The following RFX3 variants were observed in gnomAD, a reference collection of about 807,000 sequenced individuals.
RFX3 encodes regulatory factor X3.
Under a neutral mutation model 98.6 loss-of-function variants are expected in RFX3, and 14 were observed. The ratio of observed to expected loss-of-function variants is 0.14; its 90% confidence interval spans 0.09 to 0.22. The LOEUF (loss-of-function observed/expected upper bound fraction) is 0.22. Among genes scored for constraint, RFX3 ranks in the 10% least tolerant of loss-of-function variants. The pLI, the probability that RFX3 is intolerant of heterozygous loss-of-function variation, is 1.00. For missense variants in RFX3, 639 were observed against 926.9 expected (o/e 0.69, Z 4.03); for synonymous variants, 383 against 328.4 (o/e 1.17, Z -1.80).
At position 3,226,902 on chromosome 9, in the gene RFX3, T is replaced by C. The variant is rs1817842170; in HGVS notation, c.2012-1622A>G. Among the ~76,000 whole-genome samples, 3 of 152,198 alleles carry C rather than the reference T, an allele frequency of 2.0e-5. No individual in the cohort carries two copies. In the South Asian group the frequency reaches 6.2e-4, roughly 31 times the overall value. ...TTCTATAGTTTCTAATTCTCTGTAT[T>C]ATTTGAAATTTTTCTACGGAGCAAA... On this transcript the variant is annotated intron_variant, in intron 16 of 16. Transcript: ENST00000617270.
At chr9:3,490,360 G>T (rs764769580) in intron 1 of RFX3, 6 of 963,844 alleles carry the variant, frequency 6.2e-6, no homozygotes, top group Non-Finnish European at 6.2e-6. Context: ...AATATTAAAA[G>T]CAAGAACAAT....
intron 2 of RFX3, among the ~76,000 whole-genome samples, chr9:3,348,966 T>C (rs931491121): frequency 1.3e-5 from 2 of 152,126 alleles, no homozygotes; most frequent in African/African-American, 2.4e-5. Context: ...CTCTTCTTAG[T>C]GGAAAATGGA....
intron 16 of RFX3, among the ~76,000 whole-genome samples, chr9:3,225,645 T>C (rs897789216): frequency 1.3e-5 from 2 of 152,192 alleles, no homozygotes; most frequent in African/African-American, 4.8e-5. Context: ...TTTTGGGGAA[T>C]GTACTGAGCT....
chr9:3,288,424 T>C (rs1475082464), intron 6 of RFX3, among the ~76,000 whole-genome samples, 174 bp from the exon 7 acceptor site: 2 of 152,062 alleles, frequency 1.3e-5, no homozygotes, highest in African/African-American at 2.4e-5. Flanking sequence ...GTGATAAAAT[T>C]TGAAGAATCA....
chr9:3,261,783 T>A (rs1822928536), intron 13 of RFX3, among the ~76,000 whole-genome samples: 1 of 152,154 alleles, frequency 6.6e-6, no homozygotes, highest in African/African-American at 2.4e-5. Context: ...GAGGTTCCAA[T>A]GTTTTCACAT....
rs78916732 is a variant in RFX3, at chr9:3,273,087, A to G, written c.1087-1969T>C. Among the ~76,000 whole-genome samples the G allele has an allele frequency of 2.9e-3, 434 of 152,272 alleles. 3 individuals carry two copies. The highest frequency in any genetic ancestry group is 9.5e-3 in the African/African-American group (396 of 41,566). On this transcript the variant is annotated intron_variant, in intron 9 of 16. Coordinates refer to ENST00000617270, the MANE Select transcript of RFX3 (RefSeq NM_001282116.2). The stretch of plus-strand genomic sequence containing the variant: ...AAAACATTTTATCATTTGTCCACCT[A>G]CTTTCAAATATGTTCAGACTAAAAT...
intron 3 of RFX3, among the ~76,000 whole-genome samples, chr9:3,345,625 T>G (rs1307886854): frequency 1.3e-5 from 2 of 152,154 alleles, no homozygotes; most frequent in East Asian, 3.8e-4. Context: ...CTCCTTCCCC[T>G]TCCATGGTAA....
intron 1 of RFX3, among the ~76,000 whole-genome samples, chr9:3,432,026 C>T (rs1210595144): frequency 6.6e-6 from 1 of 151,982 alleles, no homozygotes; most frequent in Admixed American, 6.6e-5. Flanking sequence ...AAATCTGTTC[C>T]CCAAGCCATG....
intron 15 of RFX3, among the ~76,000 whole-genome samples, chr9:3,230,389 C>T (rs1818307177): frequency 1.3e-5 from 2 of 152,008 alleles, no homozygotes; most frequent in Admixed American, 6.6e-5. Flanking sequence ...TGGAAAAAAC[C>T]ACTATTACTT....
At chr9:3,261,175 A>C (rs1239804493) in intron 13 of RFX3, among the ~76,000 whole-genome samples, 1 of 152,042 alleles carries the variant, frequency 6.6e-6, no homozygotes, top group Admixed American at 6.6e-5. Context: ...CATTCATCTA[A>C]AGAATACCGT....
At chr9:3,253,114 A>C (rs1821646288) in intron 14 of RFX3, among the ~76,000 whole-genome samples, 1 of 152,200 alleles carries the variant, frequency 6.6e-6, no homozygotes, top group African/African-American at 2.4e-5. Context: ...GTAAACGTTA[A>C]TTATTTTATA....
intron 16 of RFX3, among the ~76,000 whole-genome samples, chr9:3,226,626 C>T (rs1817806091): frequency 1.3e-5 from 2 of 152,110 alleles, no homozygotes; most frequent in Non-Finnish European, 2.9e-5. Flanking sequence ...ACCTATTTGC[C>T]TCTGGTAAAT....
chr9:3,256,876 C>T, intron 14 of RFX3, 115 bp downstream of exon 14: 2 of 973,924 alleles, frequency 2.1e-6, no homozygotes, highest in Non-Finnish European at 3.1e-6. Context: ...GGAGTTTCCA[C>T]AAACTAAAGT....
At chr9:3,483,631 T>C (rs1035572904) in intron 1 of RFX3, among the ~76,000 whole-genome samples, 2 of 152,140 alleles carry the variant, frequency 1.3e-5, no homozygotes, top group Non-Finnish European at 2.9e-5. Context: ...AGCACAATAA[T>C]TCACATTGAA....
At chr9:3,239,586 C>A (rs1462988268) in intron 15 of RFX3, among the ~76,000 whole-genome samples, 1 of 152,222 alleles carries the variant, frequency 6.6e-6, no homozygotes, top group Non-Finnish European at 1.5e-5. Context: ...CTAAGACACA[C>A]TTACAAGTGA....
chr9:3,420,698 C>T, intron 1 of RFX3: 1 of 786,478 alleles, frequency 1.3e-6, no homozygotes, highest in Non-Finnish European at 1.5e-6. Context: ...GCAGGTTCCA[C>T]AGCAAAGTCA....
At chr9:3,437,382 T>TG (rs1245259895) in intron 1 of RFX3, among the ~76,000 whole-genome samples, 1 of 152,090 alleles carries the variant, frequency 6.6e-6, no homozygotes, top group Non-Finnish European at 1.5e-5. Context: ...CTGCATTTAA[T>TG]GGGGAGGTAC....
intron 1 of RFX3, among the ~76,000 whole-genome samples, chr9:3,517,189 A>C (rs998384211): frequency 6.6e-6 from 1 of 152,194 alleles, no homozygotes; most frequent in African/African-American, 2.4e-5. Flanking sequence ...ATAGATTGGA[A>C]AGGGCTTTAG....
At chr9:3,276,326 A>G (rs1395225084) in intron 8 of RFX3, among the ~76,000 whole-genome samples, 1 of 152,144 alleles carries the variant, frequency 6.6e-6, no homozygotes, top group Non-Finnish European at 1.5e-5. Context: ...CGTAATTTAC[A>G]TAGTAAGTCT....
Sources: gnomAD v4.1 joint callset for allele counts (sites outside exome capture counted in the v4.1 genomes callset) on GRCh38, gnomAD v4.1.1 for gene constraint, MANE v1.5 for transcripts, NCBI Gene and HGNC (gene_info 2026-07-23, HGNC 2026-07-21) for gene names.